CKAP5: variants seen among roughly 807,000 people sequenced by gnomAD.
The protein encoded by CKAP5 is cytoskeleton-associated protein 5.
CKAP5 carries 27 observed loss-of-function variants against 232.8 expected under a neutral mutation model. The ratio of observed to expected loss-of-function variants is 0.12; its 90% CI spans 0.09 to 0.16. The LOEUF (loss-of-function observed/expected upper bound fraction) is 0.16. CKAP5 is among the 10% of genes least tolerant of loss of function. CKAP5 has a pLI of 1.00. For missense variants in CKAP5, 1,838 were observed against 2,424.7 expected, an observed-to-expected ratio of 0.76 and a Z score of 5.08; for synonymous variants, 785 against 841.1, an observed-to-expected ratio of 0.93 and a Z score of 1.16.
intron 25 of CKAP5, among the ~76,000 whole-genome samples, chr11:46,770,428 G>A (rs900800828): frequency 7.2e-5 from 11 of 152,110 alleles, no homozygotes; most frequent in Non-Finnish European, 1.6e-4. Flanking sequence ...ATAAATTCAT[G>A]TTTAATATAT....
rs1283674344 is a variant in CKAP5 at position 46,790,505 on chromosome 11, G to A, written c.1729C>T (p.Leu577=). The A allele has an allele frequency of 1.9e-6, 3 of 1,613,812 alleles. No homozygotes were observed. The highest frequency in any genetic ancestry group is 1.3e-5 in the African/African-American group (1 of 74,900). The change falls in exon 14 of 44, where the codon CTG becomes TTG. Residue 577 remains leucine, a synonymous_variant. Coordinates refer to ENST00000529230, the MANE Select transcript of CKAP5 (RefSeq NM_001008938.4). ...GNTGTKNKKG[L]ETKEIVEPEL... ...GGCTCCACTATTTCTTTAGTCTCCA[G>A]TCCTTTCTTGTTCTTGGTTCCAGTA... is the stretch of plus-strand genomic sequence containing the variant.
At chr11:46,812,642 T>C (rs188899783) in intron 4 of CKAP5, among the ~76,000 whole-genome samples, 9 of 152,150 alleles carry the variant, frequency 5.9e-5, no homozygotes, top group South Asian at 2.1e-4. Context: ...TTGGTTTTTG[T>C]TTTTACTTTT....
At position 46,754,929 on chromosome 11, in the gene CKAP5, T is replaced by A; in HGVS notation, c.4828A>T (p.Ile1610Phe). The A allele has an allele frequency of 1.9e-6, 3 of 1,613,948 alleles. No homozygotes were observed. The highest frequency in any genetic ancestry group is 2.5e-6 in the Non-Finnish European group (3 of 1,179,932). ...ATGATACAGCTATACAACTTGATGA[T>A]CTCGTCCTTCTCCAATTTCTCATCT... ...MADEKLEKDE[I>F]IKLYSCIIGN... is the part of the protein sequence containing the mutation. The change falls in exon 36 of 44, where the codon ATC becomes TTC. Residue 1610 changes from isoleucine to phenylalanine, a missense_variant. Physicochemically the swap from Ile to Phe is conservative, Grantham distance 21 (BLOSUM62 0). Transcript: ENST00000529230.
At position 46,784,550 on chromosome 11, in the gene CKAP5, T is replaced by C. The variant is rs749364501; in HGVS notation, c.2092A>G (p.Asn698Asp). 3 of 1,614,176 alleles carry C rather than the reference T, an allele frequency of 1.9e-6. No homozygotes were observed. The highest frequency in any genetic ancestry group is 2.5e-6 in the Non-Finnish European group (3 of 1,180,006). ...DKIGDVKCGN[N>D]AKEAMTAIAE... ...ATTGCTGTCATAGCTTCTTTTGCATTGTTCCCACATTTCACATCTCCAATC... is the reference window on the plus strand; with the variant it reads ...ATTGCTGTCATAGCTTCTTTTGCATCGTTCCCACATTTCACATCTCCAATC... The change falls in exon 17 of 44, where the codon AAT becomes GAT. Residue 698 changes from asparagine to aspartate, a missense_variant. This residue lies in a region of CKAP5 where 767 missense variants were observed against 954.6 expected (regional missense o/e 0.80). Transcript: ENST00000529230.
chr11:46,770,453 C>T (rs1223724026), intron 25 of CKAP5, among the ~76,000 whole-genome samples: 6 of 152,128 alleles, frequency 3.9e-5, no homozygotes, highest in African/African-American at 1.2e-4. Context: ...ATTTTTAAGA[C>T]AGAGTTTCTC....
At chr11:46,778,355 AATG>A (rs1306330683) in intron 21 of CKAP5, 42 bp from the exon 22 acceptor site, 20 of 1,603,338 alleles carry the variant, frequency 1.2e-5, no homozygotes, top group East Asian at 8.9e-5. Flanking sequence ...ACTCCAAAAA[AATG>A]ATGATATCAC....
chr11:46,820,050 T>C lies in CKAP5; in HGVS notation c.57+1125A>G, dbSNP rs866124233. On this transcript the variant is annotated intron_variant, in intron 2 of 43. Coordinates refer to ENST00000529230, the MANE Select transcript of CKAP5 (RefSeq NM_001008938.4). ...ACGAGATTGAAAAACTCTTAGCACA[T>C]ATTAACCAATCAAAAATCGGAAAGT... Among the ~76,000 whole-genome samples, 6 of 152,184 alleles carry C rather than the reference T, an allele frequency of 3.9e-5. No homozygotes were observed. In the South Asian group the frequency reaches 8.3e-4, roughly 21 times the overall value.
chr11:46,750,740 G>A (rs2065057637), intron 40 of CKAP5, 129 bp from the exon 41 acceptor site: 3 of 693,886 alleles, frequency 4.3e-6, no homozygotes, highest in Non-Finnish European at 7.3e-6. Flanking sequence ...GATAACAGAT[G>A]CACCGATGAT....
intron 1 of CKAP5, among the ~76,000 whole-genome samples, chr11:46,836,199 T>C (rs1309631998): frequency 6.6e-6 from 1 of 152,164 alleles, no homozygotes; most frequent in Non-Finnish European, 1.5e-5. Context: ...GAAAAACTGT[T>C]GAAACACAAA....
chr11:46,792,281 G>A (rs190201945), intron 13 of CKAP5, among the ~76,000 whole-genome samples: 2 of 152,262 alleles, frequency 1.3e-5, no homozygotes, highest in East Asian at 1.9e-4. Context: ...GGCTGGGCAT[G>A]GTGGCTCATG....
intron 8 of CKAP5, 116 bp from the exon 9 acceptor site, chr11:46,801,420 A>G: frequency 5.5e-6 from 4 of 732,008 alleles, no homozygotes; most frequent in Non-Finnish European, 6.8e-6. Context: ...CTGTAATCCC[A>G]GCACTTTGGG....
chr11:46,816,763 G>A (rs1939411679), intron 3 of CKAP5, among the ~76,000 whole-genome samples: 1 of 150,282 alleles, frequency 6.7e-6, no homozygotes, highest in African/African-American at 2.5e-5. Context: ...TACAAAAGTA[G>A]GGTTACAGAA....
At chr11:46,839,788 T>G (rs1260336184) in intron 1 of CKAP5, among the ~76,000 whole-genome samples, 1 of 152,146 alleles carries the variant, frequency 6.6e-6, no homozygotes, top group East Asian at 1.9e-4. Context: ...TTGAGCATGT[T>G]GCACAGCCTT....
Position 46,780,464 on chromosome 11 carries a change from A to G in CKAP5, c.2271T>C (p.Ile757=). The stretch of plus-strand genomic sequence containing the variant: ...CAGCAAGAGCTGTCTTCACATTGCT[A>G]ATGAAAGCTTTGACATTCAACCTAG... The part of the protein sequence containing the change: ...GFSGLNVKAF[I]SNVKTALAAT... The change falls in exon 19 of 44, where the codon ATT becomes ATC. Residue 757 remains isoleucine, a synonymous_variant. Transcript: ENST00000529230. 1 of 1,613,832 alleles carries G rather than the reference A, an allele frequency of 6.2e-7. No individual in the cohort carries two copies. The highest frequency in any genetic ancestry group is 8.5e-7 in the Non-Finnish European group (1 of 1,179,826).
chr11:46,766,145 T>C (rs528670578), intron 27 of CKAP5, among the ~76,000 whole-genome samples: 1 of 152,346 alleles, frequency 6.6e-6, no homozygotes, highest in African/African-American at 2.4e-5. Context: ...ATTACTGGAA[T>C]CATTATTATT....
chr11:46,769,591 G>A lies in CKAP5; in HGVS notation c.3322+372C>T, dbSNP rs143190367. On this transcript the variant is annotated intron_variant, in intron 26 of 43. Transcript: ENST00000529230. ...CATGCCTGTAGTCCCAGCAACTTGG[G>A]AGGATGAGGCAGAAGGAACACTTGA... Among the ~76,000 whole-genome samples the A allele has an allele frequency of 5.5e-3, 832 of 152,120 alleles. 7 individuals are homozygous for A. Among genetic ancestry groups the A allele is most frequent in the African/African-American group, 0.019 (803 of 41,518 alleles).
chr11:46,755,395 G>A (rs1245206804), intron 35 of CKAP5, among the ~76,000 whole-genome samples: 2 of 151,870 alleles, frequency 1.3e-5, no homozygotes, highest in Admixed American at 6.6e-5. Context: ...TTTAAGTAGA[G>A]ACGGGGTTTC....
At chr11:46,842,099 C>T (rs959938434) in intron 1 of CKAP5, among the ~76,000 whole-genome samples, 7 of 152,010 alleles carry the variant, frequency 4.6e-5, no homozygotes, top group South Asian at 2.1e-4. Flanking sequence ...TGGACCTTCC[C>T]GCTAGACCAA....
intron 42 of CKAP5, among the ~76,000 whole-genome samples, chr11:46,748,228 C>G (rs775015670): frequency 3.3e-5 from 5 of 151,948 alleles, no homozygotes; most frequent in Non-Finnish European, 7.4e-5. Context: ...CATTCTGATG[C>G]TATGTGTAGA....
Sources: gnomAD v4.1 joint callset for allele counts (sites outside exome capture counted in the v4.1 genomes callset) on GRCh38, gnomAD v4.1.1 for gene constraint, gnomAD v4.1.1 regional missense constraint, MANE v1.5 for transcripts, NCBI Gene and HGNC (gene_info 2026-07-23, HGNC 2026-07-21) for gene names.